Variants in ST7L observed in about 807,000 individuals in gnomAD.
ST7L encodes the protein suppressor of tumorigenicity 7 protein-like.
Under a neutral mutation model 72.5 loss-of-function variants are expected in ST7L, and 57 were observed. The observed-to-expected ratio is 0.79, with a 90% CI of 0.64 to 0.98. The LOEUF is 0.98. ST7L is among the 50% of genes least tolerant of loss of function. The pLI is 0.00. For synonymous variants in ST7L, 221 were observed against 240.9 expected (o/e 0.92, Z 0.77); for missense variants, 576 against 672.2 (o/e 0.86, Z 1.58).
In ST7L at chr1:112,542,785, AAATAC is replaced by A. The variant is rs1656344757; in HGVS notation, c.1490-700_1490-696del. 3.0e-5 allele frequency among the ~76,000 whole-genome samples: 4 copies of A among 135,512 alleles called. No individual in the cohort carries two copies. The Admixed American group carries it at 3.0e-4, about 10-fold the overall frequency. The allele number at this position is 135,512 out of a possible 152,430, so 88.9% of individuals were successfully genotyped here. On this transcript the variant is annotated intron_variant, in intron 13 of 14. Coordinates refer to ENST00000358039, the MANE Select transcript of ST7L (RefSeq NM_017744.5). ...TAAATAAATAAATAAATAAATAAAT[AAATAC>A]ATTTGAGTTGCTACTTTTTTTTTTG...
At chr1:112,571,159 G>A (rs1662053769) in intron 11 of ST7L, 1 of 381,264 alleles carries the variant, frequency 2.6e-6, no homozygotes, top group African/African-American at 2.1e-5. Context: ...GACAGAGCGA[G>A]ACTGTCTCAA....
chr1:112,522,462 AG>A (rs1283660233), downstream of ST7L: 2 of 152,220 alleles, frequency 1.3e-5, no homozygotes, highest in Non-Finnish European at 2.9e-5. Context: ...TATTAACAAA[AG>A]TCTGTAGATT....
At chr1:112,547,083 C>T (rs1557958392) in intron 13 of ST7L, among the ~76,000 whole-genome samples, 1 of 151,996 alleles carries the variant, frequency 6.6e-6, no homozygotes, top group Non-Finnish European at 1.5e-5. Context: ...ATTGGCTCCT[C>T]CTGATATAGG....
chr1:112,581,022 G>A (rs936484248), intron 9 of ST7L, among the ~76,000 whole-genome samples: 7 of 152,166 alleles, frequency 4.6e-5, no homozygotes, highest in African/African-American at 1.7e-4. Context: ...GCCTTTTACT[G>A]GCTGGGAGAC....
At chr1:112,609,111 G>A (rs1558056375) in intron 3 of ST7L, among the ~76,000 whole-genome samples, 1 of 152,100 alleles carries the variant, frequency 6.6e-6, no homozygotes, top group Non-Finnish European at 1.5e-5. Context: ...AGGATCACTT[G>A]AGCCCAGGAG....
chr1:112,533,978 CT>C (rs1427999151), intron 14 of ST7L, among the ~76,000 whole-genome samples: 3 of 152,178 alleles, frequency 2.0e-5, no homozygotes, highest in Non-Finnish European at 2.9e-5. Context: ...CCATGCACAG[CT>C]TTCATTCTTT....
intron 14 of ST7L, 72 bp downstream of exon 14, chr1:112,541,877 AGC>A: frequency 6.4e-7 from 1 of 1,574,342 alleles, no homozygotes; most frequent in African/African-American, 1.4e-5. Context: ...CAGCTGGGTT[AGC>A]ACAGGCAGAT....
intron 13 of ST7L, among the ~76,000 whole-genome samples, chr1:112,542,778 AATAAATAAATAC>A (rs1267614408): frequency 6.7e-6 from 1 of 149,906 alleles, no homozygotes; most frequent in African/African-American, 2.5e-5. Flanking sequence ...TAAATAAATA[AATAAATAAATAC>A]ATTTGAGTTG....
intron 13 of ST7L, among the ~76,000 whole-genome samples, chr1:112,543,705 C>T (rs1322805322): frequency 6.6e-6 from 1 of 151,822 alleles, no homozygotes; most frequent in Non-Finnish European, 1.5e-5. Context: ...CCCATCTCTA[C>T]TAAAAATAGA....
chr1:112,604,515 A>C (rs1023794580), intron 3 of ST7L, among the ~76,000 whole-genome samples: 1 of 152,122 alleles, frequency 6.6e-6, no homozygotes, highest in African/African-American at 2.4e-5. Context: ...CCCAATATAC[A>C]GTATGATGGT....
chr1:112,553,550 C>T lies in ST7L; in HGVS notation c.1396+2318G>A, dbSNP rs1050525494. Among the ~76,000 whole-genome samples, 75 of 152,086 alleles carry T rather than the reference C, an allele frequency of 4.9e-4. 1 individual carries two copies. The highest frequency in any genetic ancestry group is 1.6e-3 in the African/African-American group (67 of 41,404). On this transcript the variant is annotated intron_variant, in intron 12 of 14. Transcript: ENST00000358039. Reference sequence around the variant, plus strand: ...TTTAGCAGCAATTTGGAAAAAAATGCACATAAATTTAAAGAATCAATAAAT... The same window carrying T: ...TTTAGCAGCAATTTGGAAAAAAATGTACATAAATTTAAAGAATCAATAAAT...
intron 11 of ST7L, among the ~76,000 whole-genome samples, chr1:112,564,746 G>A (rs956640524): frequency 2.0e-5 from 3 of 150,716 alleles, no homozygotes; most frequent in African/African-American, 7.3e-5. Flanking sequence ...GAACCCAGGA[G>A]GCGGAGGTTG....
intron 11 of ST7L, 76 bp downstream of exon 11, chr1:112,576,910 C>T: frequency 9.0e-7 from 1 of 1,110,346 alleles, no homozygotes; most frequent in Non-Finnish European, 1.3e-6. Context: ...TATGGTGACC[C>T]AGACTCTGGT....
chr1:112,568,330 A>ATTT lies in ST7L; in HGVS notation c.1245+8653_1245+8655dup, dbSNP rs776031521. ...AGTGTCAATGGTCTACTGTAATAATATTTTTTTTTTTTTTTTTTTTTTGTG... is the reference window on the plus strand; with the variant it reads ...AGTGTCAATGGTCTACTGTAATAATATTTTTTTTTTTTTTTTTTTTTTTTTGTG... On this transcript the variant is annotated intron_variant, in intron 11 of 14. Transcript: ENST00000358039. Among the ~76,000 whole-genome samples, 1,037 of 116,508 alleles carry ATTT rather than the reference A, an allele frequency of 8.9e-3. 10 individuals are homozygous for ATTT. Among genetic ancestry groups the ATTT allele is most frequent in the African/African-American group, 0.026 (763 of 28,830 alleles). The allele number at this position is 116,508 out of a possible 152,430, so 76.4% of individuals were successfully genotyped here.
intron 13 of ST7L, among the ~76,000 whole-genome samples, chr1:112,550,284 T>C (rs56135413): frequency 0.19 from 29,531 of 152,114 alleles, 3,579 homozygotes; most frequent in East Asian, 0.46. Flanking sequence ...CATCAAATGA[T>C]TTGGGGAGTA....
chr1:112,528,340 C>G (rs1653795387), intron 14 of ST7L: 1 of 152,134 alleles, frequency 6.6e-6, no homozygotes, highest in African/African-American at 2.4e-5. Context: ...ATGCTGAGAT[C>G]AGGGCTTAAA....
intron 3 of ST7L, among the ~76,000 whole-genome samples, chr1:112,606,104 C>T (rs756487172): frequency 2.6e-5 from 4 of 152,184 alleles, no homozygotes; most frequent in Non-Finnish European, 4.4e-5. Context: ...CTGGCTTCTA[C>T]TAAGATGACT....
chr1:112,528,419 T>C (rs1382941981), intron 14 of ST7L: 2 of 152,108 alleles, frequency 1.3e-5, no homozygotes, highest in Admixed American at 1.3e-4. Context: ...CCACATAGTA[T>C]CTTGATTTAT....
chr1:112,577,530 CAAAA>C (rs527682647), intron 10 of ST7L, among the ~76,000 whole-genome samples: 1 of 24,102 alleles, frequency 4.1e-5, no homozygotes, highest in Non-Finnish European at 8.2e-5. Context: ...AACTCTGTCT[CAAAA>C]AAAAAAAAAA....
Sources: gnomAD v4.1 joint callset for allele counts (sites outside exome capture counted in the v4.1 genomes callset) on GRCh38, gnomAD v4.1.1 for gene constraint, MANE v1.5 for transcripts, NCBI Gene and HGNC (gene_info 2026-07-23, HGNC 2026-07-21) for gene names.